Variants in MED13L observed in about 807,000 individuals in gnomAD.
MED13L encodes the protein mediator complex subunit 13L, also known as mediator of RNA polymerase II transcription subunit 13-like.
A neutral mutation model predicts 220.9 loss-of-function variants in MED13L; 7 were observed. The observed-to-expected ratio is 0.03, with a 90% confidence interval of 0.02 to 0.06. The LOEUF (loss-of-function observed/expected upper bound fraction) is 0.06. Ranked by LOEUF, MED13L falls within the 10% of genes least tolerant of loss-of-function variation. MED13L has a pLI of 1.00. For synonymous variants in MED13L, 1,011 were observed against 1,015.2 expected, an observed-to-expected ratio of 1.00 and a Z score of 0.08; for missense variants, 1,965 against 2,760.5, an observed-to-expected ratio of 0.71 and a Z score of 6.46.
chr12:116,105,200 T>C (rs993947334), intron 3 of MED13L, among the ~76,000 whole-genome samples: 9 of 152,218 alleles, frequency 5.9e-5, no homozygotes, highest in African/African-American at 2.2e-4. Context: ...TGAGGCAATC[T>C]GAACTTAAAA....
At chr12:115,996,281 G>A (rs902290609) in intron 16 of MED13L, among the ~76,000 whole-genome samples, 195 bp downstream of exon 16, 6 of 151,788 alleles carry the variant, frequency 4.0e-5, no homozygotes, top group Non-Finnish European at 7.4e-5. Context: ...TAGTAGAGAC[G>A]GGGTTTCACC....
intron 3 of MED13L, among the ~76,000 whole-genome samples, chr12:116,110,559 G>A (rs917858787): frequency 1.3e-5 from 2 of 152,104 alleles, no homozygotes; most frequent in African/African-American, 4.8e-5. Flanking sequence ...AAAATTTGAT[G>A]AGAAATAGGA....
intron 14 of MED13L, among the ~76,000 whole-genome samples, chr12:116,000,801 C>T (rs1206696394): frequency 1.3e-5 from 2 of 152,174 alleles, no homozygotes; most frequent in Non-Finnish European, 2.9e-5. Context: ...TTCAGCATTA[C>T]ATTCACAAAT....
At chr12:116,164,346 C>T (rs567847095) in intron 2 of MED13L, among the ~76,000 whole-genome samples, 53 of 152,256 alleles carry the variant, frequency 3.5e-4, no homozygotes, top group African/African-American at 1.2e-3. Context: ...AACAATTCAA[C>T]TTCCTCAACC....
chr12:115,961,505 T>G, intron 30 of MED13L, 107 bp from the exon 31 acceptor site: 1 of 1,439,306 alleles, frequency 6.9e-7, no homozygotes, highest in Non-Finnish European at 9.6e-7. Flanking sequence ...CTCAAAGGCA[T>G]TCCTTAACTT....
At chr12:116,233,141 A>C (rs999844923) in intron 2 of MED13L, among the ~76,000 whole-genome samples, 2 of 151,752 alleles carry the variant, frequency 1.3e-5, no homozygotes, top group East Asian at 3.9e-4. Context: ...AGATTAGGAG[A>C]AGTCCACTCA....
intron 17 of MED13L, among the ~76,000 whole-genome samples, chr12:115,989,449 T>C (rs1877912267): frequency 6.6e-6 from 1 of 151,966 alleles, no homozygotes; most frequent in African/African-American, 2.4e-5. Context: ...CGTCAGAATG[T>C]AGCTAAGCTC....
chr12:116,038,931 T>C (rs1470270125), intron 4 of MED13L, among the ~76,000 whole-genome samples: 4 of 152,044 alleles, frequency 2.6e-5, no homozygotes, highest in Non-Finnish European at 5.9e-5. Flanking sequence ...TTAAATTTAC[T>C]ATATGAAAGC....
chr12:116,277,585 C>A lies in MED13L; in HGVS notation c.-454G>T, dbSNP rs1207789534. ...GTGCGGACGAAGCCAGCGGGCGACC[C>A]CGGCAGCCGAGCGACGTCCCCTCCT... On this transcript the variant is annotated 5_prime_UTR_variant, in exon 1 of 31. Coordinates refer to ENST00000281928, the MANE Select transcript of MED13L (RefSeq NM_015335.5). Among the ~76,000 whole-genome samples, 1 of 149,570 alleles carries A rather than the reference C, an allele frequency of 6.7e-6. No homozygotes were observed. The highest frequency in any genetic ancestry group is 2.4e-5 in the African/African-American group (1 of 41,180).
intron 23 of MED13L, among the ~76,000 whole-genome samples, chr12:115,979,500 A>G (rs1426983852): frequency 6.6e-6 from 1 of 152,252 alleles, no homozygotes; most frequent in Non-Finnish European, 1.5e-5. Flanking sequence ...GAAATTTTAT[A>G]TAACACTGGA....
At chr12:116,203,979 T>C (rs1882163447) in intron 2 of MED13L, among the ~76,000 whole-genome samples, 1 of 152,216 alleles carries the variant, frequency 6.6e-6, no homozygotes, top group Admixed American at 6.5e-5. Flanking sequence ...AAATTTTATT[T>C]TATGGAAGAA....
intron 2 of MED13L, among the ~76,000 whole-genome samples, chr12:116,191,009 T>C (rs1002600553): frequency 6.6e-6 from 1 of 151,532 alleles, no homozygotes; most frequent in Non-Finnish European, 1.5e-5. Flanking sequence ...GAAGAAGTGC[T>C]TGAACCCAGG....
chr12:115,962,222 G>A (rs1439191678), intron 30 of MED13L, among the ~76,000 whole-genome samples: 1 of 152,116 alleles, frequency 6.6e-6, no homozygotes, highest in Non-Finnish European at 1.5e-5. Context: ...TGGCACCAGG[G>A]ACCAGTTTCG....
chr12:116,064,169 C>A (rs1195325975), intron 4 of MED13L, among the ~76,000 whole-genome samples: 1 of 151,044 alleles, frequency 6.6e-6, no homozygotes, highest in Middle Eastern at 3.2e-3. Flanking sequence ...GGTGACAGAA[C>A]AAGACCCCGT....
chr12:116,087,332 TTTAAA>T (rs1290945450), intron 4 of MED13L, among the ~76,000 whole-genome samples: 2 of 152,294 alleles, frequency 1.3e-5, no homozygotes, highest in East Asian at 3.9e-4. Context: ...TTCTTAACAT[TTTAAA>T]TTGTTTCCTT....
Position 116,008,239 on chromosome 12 carries a change from T to C in MED13L, c.2012+162A>G, listed in dbSNP as rs886661424. ...AATGACATGTGTGCTAACCTATAAG[T>C]AGGACAAAGCATTTGACCATTAAAC... On this transcript the variant is annotated intron_variant, in intron 10 of 30. Coordinates refer to ENST00000281928, the MANE Select transcript of MED13L (RefSeq NM_015335.5). The C allele has an allele frequency of 1.6e-5, 16 of 996,594 alleles. No homozygotes were observed. In the South Asian group the frequency reaches 2.2e-4, roughly 14 times the overall value. The allele number at this position is 996,594 out of a possible 1,614,324, so 61.7% of individuals were successfully genotyped here. A position where few individuals can be genotyped will look rare whatever the true frequency, so the allele number is the denominator to read the frequency against.
chr12:116,209,906 T>C (rs761509744), intron 2 of MED13L, among the ~76,000 whole-genome samples: 5 of 152,210 alleles, frequency 3.3e-5, no homozygotes, highest in Non-Finnish European at 7.3e-5. Flanking sequence ...GATTTAACCA[T>C]GGCTTAACCA....
intron 1 of MED13L, among the ~76,000 whole-genome samples, chr12:116,244,417 AT>A (rs1870919650): frequency 6.6e-6 from 1 of 152,214 alleles, no homozygotes; most frequent in Non-Finnish European, 1.5e-5. Flanking sequence ...AAATTATATA[AT>A]TACAACGGCA....
At chr12:115,962,164 A>G (rs1480075643) in intron 30 of MED13L, among the ~76,000 whole-genome samples, 2 of 152,260 alleles carry the variant, frequency 1.3e-5, no homozygotes, top group East Asian at 3.9e-4. Flanking sequence ...TTCACATTGT[A>G]TTTCTATTGG....
Sources: gnomAD v4.1 joint callset for allele counts (sites outside exome capture counted in the v4.1 genomes callset) on GRCh38, gnomAD v4.1.1 for gene constraint, MANE v1.5 for transcripts, NCBI Gene and HGNC (gene_info 2026-07-23, HGNC 2026-07-21) for gene names.